GOLPH3: variants seen among roughly 807,000 people sequenced by gnomAD.
GOLPH3 encodes the protein golgi phosphoprotein 3.
GOLPH3 carries 14 observed loss-of-function variants against 28.5 expected under a neutral mutation model. The observed-to-expected ratio is 0.49, with a 90% confidence interval of 0.32 to 0.77. The LOEUF is 0.77. GOLPH3 is among the 30% of genes least tolerant of loss of function. The pLI is 0.03. For synonymous variants in GOLPH3, 158 were observed against 159.2 expected (o/e 0.99, Z 0.06); for missense variants, 350 against 393.7 (o/e 0.89, Z 0.94).
chr5:32,166,797 G>T (rs1166593025), intron 1 of GOLPH3, among the ~76,000 whole-genome samples: 5 of 147,396 alleles, frequency 3.4e-5, no homozygotes, highest in Non-Finnish European at 3.0e-5. Flanking sequence ...ATAAAAGCAA[G>T]ACTCCATCTT....
chr5:32,146,422 A>C (rs913912150), intron 1 of GOLPH3, among the ~76,000 whole-genome samples: 1 of 152,236 alleles, frequency 6.6e-6, no homozygotes, highest in Non-Finnish European at 1.5e-5. Context: ...CACCCCAAGT[A>C]GGCTGGGCCA....
chr5:32,144,882 G>A (rs779672746), intron 1 of GOLPH3, among the ~76,000 whole-genome samples: 1 of 152,186 alleles, frequency 6.6e-6, no homozygotes, highest in Non-Finnish European at 1.5e-5. Context: ...CACAAATCTT[G>A]CCAGCAGGAT....
At chr5:32,165,319 A>G (rs1746686040) in intron 1 of GOLPH3, among the ~76,000 whole-genome samples, 1 of 151,618 alleles carries the variant, frequency 6.6e-6, no homozygotes, top group Non-Finnish European at 1.5e-5. Flanking sequence ...AGGGTGGCTC[A>G]TGTCTGTAAT....
chr5:32,161,561 T>C (rs1483625518), intron 1 of GOLPH3, among the ~76,000 whole-genome samples: 1 of 151,364 alleles, frequency 6.6e-6, no homozygotes, highest in Admixed American at 6.6e-5. Flanking sequence ...TAATATTTAT[T>C]GTGCACCAAC....
At chr5:32,158,493 A>G (rs1183991079) in intron 1 of GOLPH3, among the ~76,000 whole-genome samples, 5 of 152,096 alleles carry the variant, frequency 3.3e-5, no homozygotes, top group African/African-American at 1.2e-4. Flanking sequence ...TTACCATCAT[A>G]CAAGAGACAG....
intron 3 of GOLPH3, among the ~76,000 whole-genome samples, chr5:32,128,967 G>A (rs1038451232): frequency 2.6e-5 from 4 of 152,070 alleles, no homozygotes; most frequent in South Asian, 2.1e-4. Context: ...GGCGGGTTAC[G>A]CTTGTAATCC....
At chr5:32,150,370 T>C (rs986567974) in intron 1 of GOLPH3, among the ~76,000 whole-genome samples, 72 of 139,392 alleles carry the variant, frequency 5.2e-4, no homozygotes, top group African/African-American at 1.9e-3. Context: ...CCAATAAAAA[T>C]AGCAACAGAT....
At chr5:32,165,673 G>T (rs972275917) in intron 1 of GOLPH3, among the ~76,000 whole-genome samples, 9 of 152,170 alleles carry the variant, frequency 5.9e-5, no homozygotes, top group Non-Finnish European at 1.2e-4. Context: ...TAAAATGAAT[G>T]AACTTGAAGA....
chr5:32,152,271 C>A (rs778637093), intron 1 of GOLPH3, among the ~76,000 whole-genome samples: 1 of 151,530 alleles, frequency 6.6e-6, no homozygotes, highest in African/African-American at 2.4e-5. Flanking sequence ...GGACTACAGG[C>A]GTGCGCCACC....
At chr5:32,152,056 T>C (rs1400428658) in intron 1 of GOLPH3, among the ~76,000 whole-genome samples, 1 of 152,190 alleles carries the variant, frequency 6.6e-6, no homozygotes, top group African/African-American at 2.4e-5. Context: ...AGTGTGAATC[T>C]ACTTAATGCC....
intron 3 of GOLPH3, among the ~76,000 whole-genome samples, chr5:32,128,891 C>T (rs1193654250): frequency 6.6e-6 from 1 of 151,940 alleles, no homozygotes; most frequent in Non-Finnish European, 1.5e-5. Context: ...GAAACAGTCC[C>T]AGCCTGGGCA....
chr5:32,164,431 T>C (rs912724850), intron 1 of GOLPH3, among the ~76,000 whole-genome samples: 7 of 152,026 alleles, frequency 4.6e-5, no homozygotes, highest in Admixed American at 2.0e-4. Context: ...TCTCACTCTG[T>C]TGCCCAGGCT....
intron 1 of GOLPH3, among the ~76,000 whole-genome samples, chr5:32,148,956 C>G (rs548167218): frequency 6.6e-6 from 1 of 152,132 alleles, no homozygotes; most frequent in East Asian, 1.9e-4. Context: ...GCCTGGGCAA[C>G]AAGAGCGAAA....
At chr5:32,155,035 G>A (rs573141035) in intron 1 of GOLPH3, among the ~76,000 whole-genome samples, 2 of 147,266 alleles carry the variant, frequency 1.4e-5, no homozygotes, top group East Asian at 4.0e-4. Flanking sequence ...GTGGACAGAG[G>A]TTACAGTGAC....
In GOLPH3 at chr5:32,126,004, T is replaced by G. The variant is rs200680972; in HGVS notation, c.*208A>C. 2 of 506,280 alleles carry G rather than the reference T, an allele frequency of 4.0e-6. No individual in the cohort carries two copies. 31.4% of individuals were successfully genotyped at this position (506,280 alleles called of 1,614,324 possible). A position where few individuals can be genotyped will look rare whatever the true frequency, so the allele number is the denominator to read the frequency against. ...AGGGAATGGAATGCCAATATGGCAGTAAAACTTTTTTTAAAAACAGAAAGA... is the reference window on the plus strand; with the variant it reads ...AGGGAATGGAATGCCAATATGGCAGGAAAACTTTTTTTAAAAACAGAAAGA... On this transcript the variant is annotated 3_prime_UTR_variant, in exon 4 of 4. Coordinates refer to ENST00000265070, the MANE Select transcript of GOLPH3 (RefSeq NM_022130.4).
chr5:32,155,054 G>A (rs1581550973), intron 1 of GOLPH3, among the ~76,000 whole-genome samples: 2 of 140,186 alleles, frequency 1.4e-5, no homozygotes, highest in Admixed American at 1.5e-4. Context: ...ACCCAAGATC[G>A]CACCACTGCA....
chr5:32,150,967 A>G (rs1470186842), intron 1 of GOLPH3, among the ~76,000 whole-genome samples: 1 of 152,220 alleles, frequency 6.6e-6, no homozygotes, highest in Non-Finnish European at 1.5e-5. Context: ...TTATACATCA[A>G]TATAAATTCC....
intron 3 of GOLPH3, 58 bp from the exon 4 acceptor site, chr5:32,126,694 A>C (rs1020808593): frequency 7.4e-7 from 1 of 1,355,258 alleles, no homozygotes. Context: ...ATTTTGCAAA[A>C]ATTTTGTACT....
intron 1 of GOLPH3, among the ~76,000 whole-genome samples, chr5:32,148,162 T>C (rs1322254147): frequency 6.6e-6 from 1 of 152,184 alleles, no homozygotes; most frequent in Non-Finnish European, 1.5e-5. Context: ...TTATCAACTG[T>C]TGCCATGTAA....
Sources: allele counts gnomAD v4.1 joint callset (sites outside exome capture counted in the v4.1 genomes callset), GRCh38; gene constraint gnomAD v4.1.1; transcripts MANE v1.5; gene names NCBI Gene and HGNC (gene_info 2026-07-23, HGNC 2026-07-21).